Variants in DNAH5 observed in about 807,000 individuals in gnomAD.
DNAH5 encodes dynein axonemal heavy chain 5, also known as axonemal beta dynein heavy chain 5.
In DNAH5, 372 loss-of-function variants were observed where a neutral mutation model predicts 518.2. The ratio of observed to expected loss-of-function variants is 0.72; its 90% confidence interval spans 0.66 to 0.78. The LOEUF (loss-of-function observed/expected upper bound fraction) is 0.78, where lower values mean the gene tolerates loss of function less well. Among genes scored for constraint, DNAH5 ranks in the 30% least tolerant of loss-of-function variants. The pLI is 0.00. For synonymous variants in DNAH5, 2,039 were observed against 2,025.9 expected (o/e 1.01, Z -0.17); for missense variants, 5,523 against 5,687.0 (o/e 0.97, Z 0.93).
chr5:13,730,122 G>A (rs1502046), intron 68 of DNAH5, among the ~76,000 whole-genome samples: 95,889 of 152,046 alleles, frequency 0.63, 30,593 homozygotes, highest in African/African-American at 0.73. Flanking sequence ...TCCATGCTGT[G>A]TCACTTATGC....
intron 75 of DNAH5, 88 bp downstream of exon 75, chr5:13,714,317 A>T: frequency 7.4e-7 from 1 of 1,357,628 alleles, no homozygotes; most frequent in Admixed American, 1.7e-5. Flanking sequence ...CAGGAAAATC[A>T]TTTTTTGCCC....
Position 13,708,249 on chromosome 5 carries a change from G to A in DNAH5, c.13212C>T (p.Leu4404=). The A allele has an allele frequency of 6.2e-7, 1 of 1,614,174 alleles. No homozygotes were observed. Among genetic ancestry groups the A allele is most frequent in the Non-Finnish European group, 8.5e-7 (1 of 1,180,024 alleles). ...RQEIDRMQRV[L]SLVRSTLTEL... is the part of the protein sequence containing the mutation. The stretch of plus-strand genomic sequence containing the variant: ...CAGTGAGGGTGCTGCGGACAAGGCT[G>A]AGTACCCTTTGCATTCTGTCTATTT... Residue 4404 remains leucine (L), a synonymous_variant, in exon 76 of 79, where the codon CTC becomes CTT. Coordinates refer to ENST00000265104, the MANE Select transcript of DNAH5 (RefSeq NM_001369.3).
At chr5:13,694,463 G>C (rs894969778) in intron 78 of DNAH5, among the ~76,000 whole-genome samples, 2 of 152,270 alleles carry the variant, frequency 1.3e-5, no homozygotes, top group South Asian at 2.1e-4. Flanking sequence ...ACAAAAATAG[G>C]CATGCTAGGT....
intron 1 of DNAH5, chr5:13,932,032 A>G (rs1441363342): frequency 6.6e-6 from 1 of 152,260 alleles, no homozygotes; most frequent in Admixed American, 6.6e-5. Context: ...TCTTGGAATA[A>G]TACATTACCT....
chr5:13,764,075 G>A (rs1334438366), intron 59 of DNAH5, among the ~76,000 whole-genome samples: 2 of 152,184 alleles, frequency 1.3e-5, no homozygotes, highest in Non-Finnish European at 2.9e-5. Context: ...AAGAAAGATG[G>A]TGCTGAATTC....
At chr5:13,957,863 GA>G (rs532601007) in intron 1 of DNAH5, among the ~76,000 whole-genome samples, 1 of 151,112 alleles carries the variant, frequency 6.6e-6, no homozygotes. Flanking sequence ...TTGGAAAATA[GA>G]AAAAATCACC....
At chr5:13,716,043 C>T (rs1240411213) in intron 74 of DNAH5, among the ~76,000 whole-genome samples, 4 of 152,172 alleles carry the variant, frequency 2.6e-5, no homozygotes, top group African/African-American at 7.2e-5. Flanking sequence ...ATAGGCTGTC[C>T]ATTAGGCCAG....
At chr5:13,796,176 CAT>C (rs1325807887) in intron 47 of DNAH5, among the ~76,000 whole-genome samples, 2 of 152,140 alleles carry the variant, frequency 1.3e-5, no homozygotes, top group African/African-American at 4.8e-5. Flanking sequence ...TCATATTCAA[CAT>C]AGTGTTGGAA....
At chr5:13,988,927 C>T (rs1561050898) in intron 1 of DNAH5, among the ~76,000 whole-genome samples, 1 of 151,140 alleles carries the variant, frequency 6.6e-6, no homozygotes, top group Admixed American at 6.6e-5. Flanking sequence ...GGGGTTTCAC[C>T]ATGTTGGCCA....
chr5:13,984,554 T>C (rs1782901872), intron 1 of DNAH5, among the ~76,000 whole-genome samples: 1 of 152,210 alleles, frequency 6.6e-6, no homozygotes, highest in Non-Finnish European at 1.5e-5. Flanking sequence ...GGCCAGAACT[T>C]CCAACACTAT....
chr5:13,894,562 T>TA (rs1773669396), intron 16 of DNAH5, 88 bp downstream of exon 16: 1 of 1,396,602 alleles, frequency 7.2e-7, no homozygotes, highest in Non-Finnish European at 1.0e-6. Context: ...TCATTATTTA[T>TA]ATCTCCATAT....
chr5:13,718,755 T>G (rs964263230), intron 72 of DNAH5, 127 bp downstream of exon 72: 28 of 788,542 alleles, frequency 3.6e-5, no homozygotes, highest in Non-Finnish European at 5.2e-5. Context: ...GACCATCACC[T>G]CCCCATCAGG....
intron 31 of DNAH5, among the ~76,000 whole-genome samples, chr5:13,847,283 AC>A (rs1308275833): frequency 6.6e-6 from 1 of 152,124 alleles, no homozygotes; most frequent in Non-Finnish European, 1.5e-5. Context: ...CTTCTGGGTA[AC>A]AAAATCAAAA....
chr5:13,765,688 T>A (rs1752424979), intron 59 of DNAH5, among the ~76,000 whole-genome samples: 1 of 152,210 alleles, frequency 6.6e-6, no homozygotes, highest in Non-Finnish European at 1.5e-5. Context: ...AAAATACAAA[T>A]ATTTGTATTC....
Position 14,011,388 on chromosome 5 carries a change from G to A in DNAH5, c.12+260C>T, listed in dbSNP as rs137908073. 6.4e-4 allele frequency among the ~76,000 whole-genome samples: 97 copies of A among 152,314 alleles called. No homozygotes were observed. In the East Asian group the frequency reaches 0.016, roughly 26 times the overall value. On this transcript the variant is annotated intron_variant, in intron 1 of 78. Transcript: ENST00000681290. Reference sequence around the variant, plus strand: ...AACTTAGTGCGTTTTGCATTTCGGGGTGCCCTGGTAGGCGTGATTGACAAC... The same window carrying A: ...AACTTAGTGCGTTTTGCATTTCGGGATGCCCTGGTAGGCGTGATTGACAAC...
chr5:13,794,176 G>T, intron 47 of DNAH5, 118 bp from the exon 48 acceptor site: 3 of 1,306,670 alleles, frequency 2.3e-6, no homozygotes, highest in Non-Finnish European at 3.2e-6. Context: ...TTTCTAAAAA[G>T]CCAAATTTCC....
chr5:13,765,642 G>T (rs1752420413), intron 59 of DNAH5, among the ~76,000 whole-genome samples: 2 of 151,956 alleles, frequency 1.3e-5, no homozygotes, highest in African/African-American at 4.8e-5. Flanking sequence ...AATTAAAAAA[G>T]CTGTAAATTA....
intron 1 of DNAH5, among the ~76,000 whole-genome samples, chr5:13,953,675 C>T (rs540240358): frequency 1.3e-5 from 2 of 152,120 alleles, no homozygotes; most frequent in African/African-American, 4.8e-5. Flanking sequence ...AATATTATAT[C>T]ATTCAAAATG....
chr5:13,768,013 T>A lies in DNAH5; in HGVS notation c.9897+947A>T, dbSNP rs187446217. Among the ~76,000 whole-genome samples the A allele has an allele frequency of 1.6e-4, 25 of 152,340 alleles. No individual in the cohort carries two copies. In the East Asian group the frequency reaches 4.0e-3, roughly 25 times the overall value. On this transcript the variant is annotated intron_variant, in intron 58 of 78. Coordinates refer to ENST00000265104, the MANE Select transcript of DNAH5 (RefSeq NM_001369.3). ...GAACTTTCTTAGTAAAAGTGAGTCT[T>A]CAAAACTGGACCAGCCTTTAAGGTG... is the stretch of plus-strand genomic sequence containing the variant.
Sources: gnomAD v4.1 joint callset for allele counts (sites outside exome capture counted in the v4.1 genomes callset) on GRCh38, gnomAD v4.1.1 for gene constraint, MANE v1.5 for transcripts, NCBI Gene and HGNC (gene_info 2026-07-23, HGNC 2026-07-21) for gene names.